The following IGDCC3 variants were observed in gnomAD, a reference collection of about 807,000 sequenced individuals.
IGDCC3 encodes the protein immunoglobulin superfamily DCC subclass member 3.
IGDCC3 carries 47 observed loss-of-function variants against 72.0 expected under a neutral mutation model. The observed-to-expected ratio is 0.65, with a 90% CI of 0.52 to 0.83. The LOEUF is 0.83. Ranked by LOEUF, IGDCC3 falls within the 40% of genes least tolerant of loss-of-function variation. The probability of loss-of-function intolerance (pLI) is 0.00; values close to 1 mark genes in which losing one functional copy is unlikely to be tolerated. For missense variants in IGDCC3, 1,038 were observed against 1,091.3 expected, an observed-to-expected ratio of 0.95 and a Z score of 0.69; for synonymous variants, 477 against 472.8, an observed-to-expected ratio of 1.01 and a Z score of -0.11.
chr15:65,340,624 G>C (rs1248734711), intron 2 of IGDCC3, among the ~76,000 whole-genome samples: 3 of 152,036 alleles, frequency 2.0e-5, no homozygotes, highest in Non-Finnish European at 4.4e-5. Context: ...CAGGCAGCTG[G>C]GATGATTATC....
chr15:65,377,474 G>A lies in IGDCC3; in HGVS notation c.103+212C>T, dbSNP rs1253527285. Reference sequence around the variant, plus strand: ...CCGGGTCCTGCCCCAGTCTTCCTCCGGGGGGTTCCGTCCTCAACACGCCCC... The same window carrying A: ...CCGGGTCCTGCCCCAGTCTTCCTCCAGGGGGTTCCGTCCTCAACACGCCCC... On this transcript the variant is annotated intron_variant, in intron 1 of 13. Transcript: ENST00000327987. The surrounding 1 kb of genome is among the most constrained non-coding windows in gnomAD (Gnocchi z 4.9). Among the ~76,000 whole-genome samples the A allele has an allele frequency of 6.6e-5, 10 of 152,118 alleles. No individual in the cohort carries two copies. Among genetic ancestry groups the A allele is most frequent in the African/African-American group, 1.4e-4 (6 of 41,432 alleles).
rs12907128 is a variant in IGDCC3, at chr15:65,329,103, C to G, written c.2251G>C (p.Val751Leu). The G allele has an allele frequency of 5.0e-6, 8 of 1,608,858 alleles. No individual in the cohort carries two copies. The East Asian group carries it at 1.8e-4, about 36-fold the overall frequency. The stretch of plus-strand genomic sequence containing the variant: ...AGGCCGCACCCCTGAAGTGGCAGCA[C>G]GGAGAGCTGGGTCTCCTCACACGGA... ...PAPCEETQLSVLPLQGCGLME... is the reference protein window; with the variant it reads ...PAPCEETQLSLLPLQGCGLME... Residue 751 changes from valine (V) to leucine (L), a missense_variant, in exon 14 of 14, where the codon GTG becomes CTG. By Grantham distance (32) the Val-to-Leu change is conservative. Transcript: ENST00000327987. This position sits in a 1 kb window ranked among gnomAD's most constrained non-coding sequence, Gnocchi z 4.1.
intron 2 of IGDCC3, among the ~76,000 whole-genome samples, chr15:65,361,283 T>TAAA (rs60459269): frequency 1.1e-4 from 16 of 149,348 alleles, no homozygotes; most frequent in African/African-American, 4.0e-4. Context: ...ATAATAATAA[T>TAAA]AAAAAAACAT....
rs1245782813 is a variant in IGDCC3, at chr15:65,370,600, ATG to A, written c.409+4495_409+4496del. The stretch of plus-strand genomic sequence containing the variant: ...TATATATATGTATGTATATATATGT[ATG>A]TGTATATATATGTATGTGTATATAT... On this transcript the variant is annotated intron_variant, in intron 2 of 13. Coordinates refer to ENST00000327987, the MANE Select transcript of IGDCC3 (RefSeq NM_004884.4). Among the ~76,000 whole-genome samples, 52 of 102,404 alleles carry A rather than the reference ATG, an allele frequency of 5.1e-4. 1 individual carries two copies. The highest frequency in any genetic ancestry group is 2.0e-3 in the East Asian group (8 of 4,002). The allele number at this position is 102,404 out of a possible 152,430, so 67.2% of individuals were successfully genotyped here.
intron 1 of IGDCC3, among the ~76,000 whole-genome samples, chr15:65,375,668 A>G (rs1286028972): frequency 6.6e-6 from 1 of 152,258 alleles, no homozygotes; most frequent in Non-Finnish European, 1.5e-5. Context: ...AAGAAAACTG[A>G]AGCCCAGAGA....
rs113113131 is a variant in IGDCC3 at position 65,334,905 on chromosome 15, A to T, written c.686-40T>A. On this transcript the variant is annotated intron_variant, in intron 4 of 13. Transcript: ENST00000327987. ...CCACATATCCTCACTTCAGCTGGGGACTTTCCCGCTTCCTCACCCCACCCA... is the reference window on the plus strand; with the variant it reads ...CCACATATCCTCACTTCAGCTGGGGTCTTTCCCGCTTCCTCACCCCACCCA... The T allele has an allele frequency of 6.9e-4, 1,095 of 1,582,448 alleles. 8 individuals are homozygous for T. In the African/African-American group the frequency reaches 0.013, roughly 19 times the overall value.
chr15:65,331,232 G>A lies in IGDCC3; in HGVS notation c.1397-18C>T. 6.2e-7 allele frequency: 1 copy of A among 1,612,608 alleles called. No homozygotes were observed. The highest frequency in any genetic ancestry group is 1.1e-5 in the South Asian group (1 of 90,888). ...CGGTGGGTCTGGAGAGGCACAGGGT[G>A]GGCAGGGGAGTGTGAAGGACTGGGG... On this transcript the variant is annotated intron_variant, in intron 8 of 13. Coordinates refer to ENST00000327987, the MANE Select transcript of IGDCC3 (RefSeq NM_004884.4).
rs1035958388 is a variant in IGDCC3 at position 65,339,423 on chromosome 15, C to T, written c.410-3467G>A. 1.3e-5 allele frequency among the ~76,000 whole-genome samples: 2 copies of T among 152,334 alleles called. No individual in the cohort carries two copies. The highest frequency in any genetic ancestry group is 1.9e-4 in the East Asian group (1 of 5,192). On this transcript the variant is annotated intron_variant, in intron 2 of 13. Transcript: ENST00000327987. The surrounding 1 kb of genome is among the most constrained non-coding windows in gnomAD (Gnocchi z 4.1). The stretch of plus-strand genomic sequence containing the variant: ...AGAGACAGGGTCTCCCTACGTTGCC[C>T]GGACTGGCACAGCATTTTTTTCTTT...
intron 2 of IGDCC3, among the ~76,000 whole-genome samples, chr15:65,368,150 T>A (rs2091299784): frequency 9.9e-6 from 1 of 101,322 alleles, no homozygotes; most frequent in African/African-American, 3.8e-5. Flanking sequence ...GAAAACTCTC[T>A]CTCTTTCACT....
Position 65,351,403 on chromosome 15 carries a change from G to A in IGDCC3, c.410-15447C>T, listed in dbSNP as rs1357802892. ...CAAAAAATTAGCTGGGTATGGTGGC[G>A]GGTGCCTGTAGTCCCAGCTACTTGG... On this transcript the variant is annotated intron_variant, in intron 2 of 13. Transcript: ENST00000327987. Among the ~76,000 whole-genome samples the A allele has an allele frequency of 1.4e-4, 21 of 152,128 alleles. No individual in the cohort carries two copies. In the South Asian group the frequency reaches 2.1e-3, roughly 15 times the overall value.
chr15:65,344,485 C>T (rs2091109424), intron 2 of IGDCC3, among the ~76,000 whole-genome samples: 1 of 152,200 alleles, frequency 6.6e-6, no homozygotes, highest in African/African-American at 2.4e-5. Context: ...ACATCTCTCC[C>T]CTCTCACAGC....
At chr15:65,362,665 T>C (rs887988274) in intron 2 of IGDCC3, among the ~76,000 whole-genome samples, 2 of 151,986 alleles carry the variant, frequency 1.3e-5, no homozygotes, top group African/African-American at 2.4e-5. Context: ...CCCCCTCCCA[T>C]TTTCCACAAA....
Position 65,334,866 on chromosome 15 carries a change from C to T in IGDCC3, c.686-1G>A. On this transcript the variant is annotated splice_acceptor_variant, in intron 4 of 13. Coordinates refer to ENST00000327987, the MANE Select transcript of IGDCC3 (RefSeq NM_004884.4). LOFTEE classifies it high-confidence loss of function. ...TCCTTGTAGGCCCCAGAGCCCGAGC[C>T]TGGGAGGAAGACGCCACATATCCTC... is the stretch of plus-strand genomic sequence containing the variant. 2 of 1,610,828 alleles carry T rather than the reference C, an allele frequency of 1.2e-6. No homozygotes were observed. The highest frequency in any genetic ancestry group is 2.7e-5 in the African/African-American group (2 of 74,934).
chr15:65,358,449 CA>C (rs1251528728), intron 2 of IGDCC3, among the ~76,000 whole-genome samples: 2 of 152,108 alleles, frequency 1.3e-5, no homozygotes, highest in Non-Finnish European at 2.9e-5. Flanking sequence ...CTTCATTTTG[CA>C]AGACTAAAAT....
intron 2 of IGDCC3, among the ~76,000 whole-genome samples, chr15:65,342,902 G>A (rs766133244): frequency 4.6e-5 from 7 of 151,988 alleles, no homozygotes; most frequent in Non-Finnish European, 7.4e-5. Flanking sequence ...TCTGTTGCCC[G>A]GGTTCACCTC....
chr15:65,345,562 A>G lies in IGDCC3; in HGVS notation c.410-9606T>C, dbSNP rs1567065109. On this transcript the variant is annotated intron_variant, in intron 2 of 13. Coordinates refer to ENST00000327987, the MANE Select transcript of IGDCC3 (RefSeq NM_004884.4). ...GAGTGAGACCCTGTCTCACACGCAC[A>G]CACACACACACACACACGCACACAC... Among the ~76,000 whole-genome samples, 4 of 151,390 alleles carry G rather than the reference A, an allele frequency of 2.6e-5. 1 individual carries two copies. The South Asian group carries it at 6.3e-4, about 24-fold the overall frequency.
intron 2 of IGDCC3, among the ~76,000 whole-genome samples, chr15:65,372,202 G>T (rs1472343397): frequency 6.6e-6 from 1 of 152,186 alleles, no homozygotes. Context: ...AGTGTGGGGT[G>T]TGCTGGTCCT....
At chr15:65,370,244 C>T (rs532215765) in intron 2 of IGDCC3, among the ~76,000 whole-genome samples, 21 of 152,020 alleles carry the variant, frequency 1.4e-4, no homozygotes, top group Admixed American at 2.6e-4. Flanking sequence ...TGGCTGGACA[C>T]GGTGGCTCAC....
rs1567062273 is a variant in IGDCC3 at position 65,335,858 on chromosome 15, T to C, written c.508A>G (p.Ile170Val). The change falls in exon 3 of 14, where the codon ATC becomes GTC. Residue 170 changes from isoleucine to valine, a missense_variant. Ile to Val is a conservative substitution (Grantham distance 29). Coordinates refer to ENST00000327987, the MANE Select transcript of IGDCC3 (RefSeq NM_004884.4). ...CQIHGLPKPL[I>V]TWEKNRVPID... Reference sequence around the variant, plus strand: ...GGGACTCTGTTCTTCTCCCAAGTGATCAGGGGTTTGGGAAGCCCATGGATT... The same window carrying C: ...GGGACTCTGTTCTTCTCCCAAGTGACCAGGGGTTTGGGAAGCCCATGGATT... The C allele has an allele frequency of 6.2e-7, 1 of 1,614,180 alleles. No homozygotes were observed. Among genetic ancestry groups the C allele is most frequent in the Admixed American group, 1.7e-5 (1 of 60,028 alleles).
Sources: allele counts gnomAD v4.1 joint callset (sites outside exome capture counted in the v4.1 genomes callset), GRCh38; gene constraint gnomAD v4.1.1; non-coding constraint Gnocchi (gnomAD v3.1); transcripts MANE v1.5; gene names NCBI Gene and HGNC (gene_info 2026-07-23, HGNC 2026-07-21).